Variants in PDE11A observed in about 807,000 individuals in gnomAD.
PDE11A encodes phosphodiesterase 11A, also known as dual 3',5'-cyclic-AMP and -GMP phosphodiesterase 11A.
A neutral mutation model predicts 100.5 loss-of-function variants in PDE11A; 100 were observed. The observed-to-expected ratio is 1.00, with a 90% CI of 0.85 to 1.18. The LOEUF is 1.18. Among genes scored for constraint, PDE11A ranks in the 50% most tolerant of loss-of-function variants. The pLI, the probability that PDE11A is intolerant of heterozygous loss-of-function variation, is 0.00. For missense variants in PDE11A, 1,141 were observed against 1,152.6 expected, an observed-to-expected ratio of 0.99 and a Z score of 0.15; for synonymous variants, 381 against 420.8, an observed-to-expected ratio of 0.91 and a Z score of 1.16.
At chr2:177,854,037 G>A (rs1244625137) in intron 5 of PDE11A, among the ~76,000 whole-genome samples, 2 of 151,486 alleles carry the variant, frequency 1.3e-5, no homozygotes, top group Non-Finnish European at 2.9e-5. Context: ...TGTTAAATGA[G>A]AGACCTACTA....
intron 10 of PDE11A, among the ~76,000 whole-genome samples, chr2:177,733,334 G>T (rs919869435): frequency 2.0e-5 from 3 of 152,132 alleles, no homozygotes; most frequent in South Asian, 2.1e-4. Flanking sequence ...ATGAGTCCTG[G>T]AGCTAATTTG....
At chr2:177,948,673 G>A (rs1574301625) in intron 2 of PDE11A, among the ~76,000 whole-genome samples, 1 of 152,222 alleles carries the variant, frequency 6.6e-6, no homozygotes, top group East Asian at 1.9e-4. Flanking sequence ...GGAGGCTGAA[G>A]CAGGAGGATT....
At chr2:177,760,382 T>C (rs2082152240) in intron 10 of PDE11A, among the ~76,000 whole-genome samples, 1 of 152,224 alleles carries the variant, frequency 6.6e-6, no homozygotes, top group Non-Finnish European at 1.5e-5. Context: ...AGTATTATTA[T>C]ATTATATTAC....
chr2:178,075,339 G>C (rs767221927), upstream of PDE11A, among the ~76,000 whole-genome samples: 1 of 151,974 alleles, frequency 6.6e-6, no homozygotes, highest in Non-Finnish European at 1.5e-5. Flanking sequence ...GATCACTTGG[G>C]GTCAAGAATC....
chr2:177,982,996 C>T lies in PDE11A; in HGVS notation c.1071+31306G>A, dbSNP rs1320568517. 2.0e-5 allele frequency among the ~76,000 whole-genome samples: 3 copies of T among 150,580 alleles called. 1 individual carries two copies. Among genetic ancestry groups the T allele is most frequent in the Non-Finnish European group, 4.5e-5 (3 of 67,228 alleles). ...TTGGGTGGCTGAGGCACAAGAATCA[C>T]TTGAACCTGGGGGAATTTGCAGTGA... On this transcript the variant is annotated intron_variant, in intron 2 of 19. Transcript: ENST00000286063.
intron 4 of PDE11A, among the ~76,000 whole-genome samples, chr2:177,893,550 G>C (rs1215901781): frequency 6.6e-6 from 1 of 152,184 alleles, no homozygotes; most frequent in African/African-American, 2.4e-5. Context: ...TGTCAAGTTG[G>C]GGAGGGGTGT....
intron 12 of PDE11A, among the ~76,000 whole-genome samples, chr2:177,715,408 G>A (rs191726421): frequency 6.6e-6 from 1 of 152,058 alleles, no homozygotes; most frequent in Admixed American, 6.5e-5. Flanking sequence ...TGTGTGTTAA[G>A]CCTAATCTGG....
At chr2:178,054,446 T>C (rs1366035426) in intron 1 of PDE11A, among the ~76,000 whole-genome samples, 1 of 152,162 alleles carries the variant, frequency 6.6e-6, no homozygotes, top group Non-Finnish European at 1.5e-5. Context: ...GGGCAAGGAC[T>C]TCATGTCTAA....
chr2:177,660,097 T>TTCTTTCTTTCTTTCTTTCTTTC (rs1406827529), intron 19 of PDE11A, among the ~76,000 whole-genome samples: 3 of 69,348 alleles, frequency 4.3e-5, no homozygotes, highest in East Asian at 4.4e-4. Flanking sequence ...CTTTCTTTCT[T>TTCTTTCTTTCTTTCTTTCTTTC]TCTCTCTCTC....
At chr2:177,943,111 C>T (rs1241021299) in intron 2 of PDE11A, among the ~76,000 whole-genome samples, 1 of 152,152 alleles carries the variant, frequency 6.6e-6, no homozygotes, top group Admixed American at 6.5e-5. Context: ...TATTGTTTTT[C>T]CATTTATCCA....
At chr2:177,654,574 T>C (rs1381803756) in intron 19 of PDE11A, among the ~76,000 whole-genome samples, 2 of 151,870 alleles carry the variant, frequency 1.3e-5, no homozygotes, top group African/African-American at 4.8e-5. Flanking sequence ...CATGGAAACA[T>C]ATTAAGAACT....
At chr2:177,771,403 A>G (rs573328110) in intron 9 of PDE11A, among the ~76,000 whole-genome samples, 1 of 152,298 alleles carries the variant, frequency 6.6e-6, no homozygotes, top group Non-Finnish European at 1.5e-5. Context: ...TGATACAAGC[A>G]AAGCCACAAT....
intron 9 of PDE11A, among the ~76,000 whole-genome samples, chr2:177,801,055 T>C (rs2082786253): frequency 6.6e-6 from 1 of 152,204 alleles, no homozygotes; most frequent in Non-Finnish European, 1.5e-5. Flanking sequence ...TCTTCAAAGA[T>C]ACAAGAAGAA....
At position 178,008,092 on chromosome 2, in the gene PDE11A, A is replaced by G. The variant is rs184258356; in HGVS notation, c.1071+6210T>C. 1.3e-3 allele frequency among the ~76,000 whole-genome samples: 204 copies of G among 152,314 alleles called. 1 individual carries two copies. The highest frequency in any genetic ancestry group is 0.01 in the Middle Eastern group (3 of 294). ...AGGAAAAAAAATGAAATGAGAACAC[A>G]AAGGGAATTTTTAAATAATTAGTTA... On this transcript the variant is annotated intron_variant, in intron 2 of 19. Transcript: ENST00000286063.
chr2:177,754,560 T>A (rs1048231390), intron 10 of PDE11A, among the ~76,000 whole-genome samples: 2 of 152,264 alleles, frequency 1.3e-5, no homozygotes, highest in African/African-American at 4.8e-5. Context: ...TTTCTTTGCT[T>A]CCTTGTCTCC....
intron 2 of PDE11A, among the ~76,000 whole-genome samples, chr2:177,928,320 A>AC (rs1469067890): frequency 1.3e-5 from 2 of 152,078 alleles, no homozygotes; most frequent in African/African-American, 4.8e-5. Context: ...ACAAAGTGAG[A>AC]CCCCATCTCT....
At chr2:177,766,345 C>A (rs2105497332) in intron 10 of PDE11A, among the ~76,000 whole-genome samples, 1 of 152,320 alleles carries the variant, frequency 6.6e-6, no homozygotes, top group African/African-American at 2.4e-5. Context: ...TGCACGCCTG[C>A]TGCTCACCTC....
intron 1 of PDE11A, among the ~76,000 whole-genome samples, chr2:178,042,399 G>C (rs1415640835): frequency 1.3e-5 from 2 of 151,382 alleles, no homozygotes; most frequent in Admixed American, 6.6e-5. Context: ...GATGGCTTGA[G>C]TCCAGGAGTT....
intron 1 of PDE11A, among the ~76,000 whole-genome samples, chr2:178,016,256 T>C (rs2086336730): frequency 6.6e-6 from 1 of 150,574 alleles, no homozygotes; most frequent in African/African-American, 2.4e-5. Context: ...GTGTTGGAAT[T>C]ACAGGCGTGA....
Sources: gnomAD v4.1 joint callset for allele counts (sites outside exome capture counted in the v4.1 genomes callset) on GRCh38, gnomAD v4.1.1 for gene constraint, MANE v1.5 for transcripts, NCBI Gene and HGNC (gene_info 2026-07-23, HGNC 2026-07-21) for gene names.